The following ADAM32 variants were observed in gnomAD, a reference collection of about 807,000 sequenced individuals.
ADAM32 encodes the protein ADAM metallopeptidase domain 32.
A neutral mutation model predicts 114.9 loss-of-function variants in ADAM32; 89 were observed. The ratio of observed to expected loss-of-function variants is 0.77; its 90% CI spans 0.65 to 0.92. The LOEUF is 0.92. Ranked by LOEUF, ADAM32 falls within the 40% of genes least tolerant of loss-of-function variation. ADAM32 has a pLI of 0.00. For missense variants in ADAM32, 870 were observed against 932.8 expected, an observed-to-expected ratio of 0.93 and a Z score of 0.88; for synonymous variants, 285 against 307.5, an observed-to-expected ratio of 0.93 and a Z score of 0.77.
intron 3 of ADAM32, among the ~76,000 whole-genome samples, chr8:39,142,237 C>T (rs1297826152): frequency 6.6e-6 from 1 of 152,110 alleles, no homozygotes; most frequent in Non-Finnish European, 1.5e-5. Flanking sequence ...GAATTTGATC[C>T]TGTCATTATG....
chr8:39,126,417 T>C (rs1802119627), intron 2 of ADAM32, among the ~76,000 whole-genome samples: 1 of 152,164 alleles, frequency 6.6e-6, no homozygotes, highest in Non-Finnish European at 1.5e-5. Flanking sequence ...CATTCCTAGG[T>C]ATTTTATTCT....
intron 3 of ADAM32, among the ~76,000 whole-genome samples, chr8:39,138,022 T>A (rs1802909456): frequency 6.6e-6 from 1 of 152,124 alleles, no homozygotes; most frequent in Non-Finnish European, 1.5e-5. Context: ...AGGGCATGTG[T>A]ATATCGTTTT....
intron 4 of ADAM32, among the ~76,000 whole-genome samples, 179 bp from the exon 5 acceptor site, chr8:39,149,612 A>G (rs555238974): frequency 6.6e-6 from 1 of 152,308 alleles, no homozygotes; most frequent in Non-Finnish European, 1.5e-5. Flanking sequence ...AGTGTAGTTA[A>G]CATAGTGTAA....
Position 39,114,604 on chromosome 8 carries a change from T to C in ADAM32, c.59-3482T>C, listed in dbSNP as rs1470118176. 3.9e-5 allele frequency among the ~76,000 whole-genome samples: 6 copies of C among 152,212 alleles called. No individual in the cohort carries two copies. In the East Asian group the frequency reaches 5.8e-4, roughly 15 times the overall value. On this transcript the variant is annotated intron_variant, in intron 1 of 24. Coordinates refer to ENST00000379907, the MANE Select transcript of ADAM32 (RefSeq NM_145004.7). ...CTGTCCTTGTGGCTTCTTCTGGTAATTGTGCTCACCTGTCTCTGAGAGTCA... is the reference window on the plus strand; with the variant it reads ...CTGTCCTTGTGGCTTCTTCTGGTAACTGTGCTCACCTGTCTCTGAGAGTCA...
intron 2 of ADAM32, among the ~76,000 whole-genome samples, chr8:39,134,891 C>T (rs1276403689): frequency 6.6e-6 from 1 of 152,128 alleles, no homozygotes; most frequent in Non-Finnish European, 1.5e-5. Context: ...TGTGGTGGCT[C>T]AAGCCTGTAA....
At chr8:39,118,314 C>A in intron 2 of ADAM32, 149 bp downstream of exon 2, 1 of 430,066 alleles carries the variant, frequency 2.3e-6, no homozygotes. Context: ...ATGGTAAAAG[C>A]AAATAGGTAA....
At chr8:39,155,230 A>G (rs1049853924) in intron 6 of ADAM32, among the ~76,000 whole-genome samples, 1 of 152,256 alleles carries the variant, frequency 6.6e-6, no homozygotes, top group Non-Finnish European at 1.5e-5. Flanking sequence ...CAGCCAGGGC[A>G]ATCAGACAAG....
intron 19 of ADAM32, among the ~76,000 whole-genome samples, chr8:39,266,571 G>C (rs1241740539): frequency 1.3e-5 from 2 of 152,230 alleles, no homozygotes; most frequent in East Asian, 1.9e-4. Context: ...CCATGTTGCT[G>C]TGTTCCTTGG....
At chr8:39,154,833 A>G (rs1371969610) in intron 6 of ADAM32, among the ~76,000 whole-genome samples, 1 of 150,922 alleles carries the variant, frequency 6.6e-6, no homozygotes, top group Non-Finnish European at 1.5e-5. Context: ...TGGTTGCATA[A>G]ATGTCTTCTT....
chr8:39,249,061 G>A (rs1313053468), intron 17 of ADAM32, among the ~76,000 whole-genome samples: 1 of 151,684 alleles, frequency 6.6e-6, no homozygotes, highest in African/African-American at 2.4e-5. Flanking sequence ...CTGCCACCAT[G>A]CCCGGATAAT....
At chr8:39,152,114 T>A (rs1215757365) in intron 6 of ADAM32, among the ~76,000 whole-genome samples, 1 of 152,196 alleles carries the variant, frequency 6.6e-6, no homozygotes, top group African/African-American at 2.4e-5. Context: ...CAGTTCCTGC[T>A]TTTGCTCCTA....
intron 12 of ADAM32, chr8:39,221,098 T>G (rs1256689839): frequency 2.6e-5 from 4 of 152,166 alleles, no homozygotes; most frequent in African/African-American, 9.7e-5. Flanking sequence ...CAGTGTTGGG[T>G]GCACTGTATT....
intron 3 of ADAM32, among the ~76,000 whole-genome samples, chr8:39,142,291 A>G (rs942654234): frequency 6.6e-6 from 1 of 152,138 alleles, no homozygotes; most frequent in Non-Finnish European, 1.5e-5. Context: ...CAGTTTCTTC[A>G]TGGCATTGAT....
At chr8:39,280,295 T>C (rs1813344985) in intron 22 of ADAM32, among the ~76,000 whole-genome samples, 1 of 152,148 alleles carries the variant, frequency 6.6e-6, no homozygotes, top group Non-Finnish European at 1.5e-5. Flanking sequence ...TTTTAAATGG[T>C]AGAAGGAAAA....
intron 10 of ADAM32, among the ~76,000 whole-genome samples, chr8:39,185,737 A>ATCCCTTT (rs1806193789): frequency 6.6e-6 from 1 of 152,176 alleles, no homozygotes; most frequent in Non-Finnish European, 1.5e-5. Context: ...TGTCTGATCA[A>ATCCCTTT]TCCCTTTCAA....
chr8:39,229,350 A>G (rs1048818126), intron 14 of ADAM32, among the ~76,000 whole-genome samples: 3 of 152,218 alleles, frequency 2.0e-5, no homozygotes, highest in Non-Finnish European at 4.4e-5. Context: ...TCACATTTCA[A>G]TACTAACAGT....
chr8:39,277,117 C>G (rs984664854), intron 22 of ADAM32, among the ~76,000 whole-genome samples: 1 of 152,162 alleles, frequency 6.6e-6, no homozygotes, highest in Non-Finnish European at 1.5e-5. Context: ...ATGATGTTGT[C>G]GCTTCCTCCA....
intron 9 of ADAM32, 22 bp from the exon 10 acceptor site, chr8:39,169,894 A>G: frequency 6.8e-7 from 1 of 1,474,702 alleles, no homozygotes; most frequent in Non-Finnish European, 9.3e-7. Context: ...AATCAATTAT[A>G]AATGTAAATT....
At position 39,169,984 on chromosome 8, in the gene ADAM32, C is replaced by T. The variant is rs533992931; in HGVS notation, c.902C>T (p.Ala301Val). The T allele has an allele frequency of 3.1e-6, 5 of 1,594,372 alleles. No homozygotes were observed. Among genetic ancestry groups the T allele is most frequent in the Non-Finnish European group, 3.4e-6 (4 of 1,167,360 alleles). ...ACAATGTGTATTACTCGTTATTCTG[C>T]AGGAGTTGCATTGGTATGTAACTAT... Reference protein sequence around the residue: ...PGTMCITRYSAGVALYPKEIT... With the variant: ...PGTMCITRYSVGVALYPKEIT... Residue 301 changes from alanine (A) to valine (V), a missense_variant, in exon 10 of 25, where the codon GCA becomes GTA. Physicochemically the swap from Ala to Val is moderately conservative, Grantham distance 64 (BLOSUM62 0). Coordinates refer to ENST00000379907, the MANE Select transcript of ADAM32 (RefSeq NM_145004.7).
Sources: allele counts gnomAD v4.1 joint callset (sites outside exome capture counted in the v4.1 genomes callset), GRCh38; gene constraint gnomAD v4.1.1; transcripts MANE v1.5; gene names NCBI Gene and HGNC (gene_info 2026-07-23, HGNC 2026-07-21).